The following WSCD2 variants were observed in gnomAD, a reference collection of about 807,000 sequenced individuals.
WSCD2 encodes the protein WSC domain sialate O sulfotransferase 2.
In WSCD2, 28 loss-of-function variants were observed where a neutral mutation model predicts 55.7. That is an observed-to-expected ratio of 0.50 (90% confidence interval 0.37 to 0.69). WSCD2 has a LOEUF of 0.69. Among genes scored for constraint, WSCD2 ranks in the 30% least tolerant of loss-of-function variants. WSCD2 has a pLI of 0.00. For missense variants in WSCD2, 616 were observed against 762.1 expected (o/e 0.81, Z 2.26); for synonymous variants, 301 against 301.9 (o/e 1.00, Z 0.03).
rs4964234 is a variant in WSCD2, at chr12:108,176,508, A to C, written c.-551-18774A>C. The stretch of plus-strand genomic sequence containing the variant: ...TGTCATCAGTAGCTGATTCCTTTTC[A>C]TGGCTGAGTAGTACTCCGTTGTATG... On this transcript the variant is annotated intron_variant, in intron 1 of 8. Coordinates refer to ENST00000547525, the MANE Select transcript of WSCD2 (RefSeq NM_014653.4). Among the ~76,000 whole-genome samples the C allele has an allele frequency of 2.3e-3, 343 of 152,264 alleles. 3 individuals carry two copies. The highest frequency in any genetic ancestry group is 7.8e-3 in the African/African-American group (325 of 41,542).
At chr12:108,194,952 G>A (rs1396120046) in intron 1 of WSCD2, among the ~76,000 whole-genome samples, 1 of 152,172 alleles carries the variant, frequency 6.6e-6, no homozygotes, top group African/African-American at 2.4e-5. Flanking sequence ...CCTTGGATCA[G>A]TATATATTTG....
intron 4 of WSCD2, among the ~76,000 whole-genome samples, chr12:108,216,848 G>C (rs1388363998): frequency 6.6e-6 from 1 of 152,168 alleles, no homozygotes; most frequent in Non-Finnish European, 1.5e-5. Flanking sequence ...TTAACACCCT[G>C]GCAGGCCCAG....
intron 1 of WSCD2, among the ~76,000 whole-genome samples, chr12:108,153,651 G>T (rs765508215): frequency 6.6e-6 from 1 of 152,194 alleles, no homozygotes; most frequent in African/African-American, 2.4e-5. Flanking sequence ...CTATGGAGAG[G>T]GTCACCTGCA....
chr12:108,238,756 A>G (rs1401101691), intron 7 of WSCD2, among the ~76,000 whole-genome samples: 4 of 152,158 alleles, frequency 2.6e-5, no homozygotes, highest in Admixed American at 6.5e-5. Flanking sequence ...TACTACAATA[A>G]CATTTCTACC....
intron 2 of WSCD2, 30 bp from the exon 3 acceptor site, chr12:108,206,259 G>A (rs765609727): frequency 1.3e-6 from 2 of 1,597,548 alleles, no homozygotes; most frequent in South Asian, 1.1e-5. Flanking sequence ...TTTGTCCCCA[G>A]CCACCTTTGA....
At chr12:108,185,556 G>A (rs958515526) in intron 1 of WSCD2, among the ~76,000 whole-genome samples, 11 of 152,134 alleles carry the variant, frequency 7.2e-5, no homozygotes, top group African/African-American at 2.4e-4. Context: ...TTATTTCAGT[G>A]ACCCCACAGT....
intron 1 of WSCD2, among the ~76,000 whole-genome samples, chr12:108,134,805 G>T (rs1876002567): frequency 1.3e-5 from 2 of 152,012 alleles, no homozygotes; most frequent in Admixed American, 1.3e-4. Flanking sequence ...TGTTTACCAG[G>T]TGCACACACT....
chr12:108,219,598 C>T (rs1054243964), intron 4 of WSCD2, among the ~76,000 whole-genome samples: 1 of 152,212 alleles, frequency 6.6e-6, no homozygotes, highest in Non-Finnish European at 1.5e-5. Context: ...CAAACACACA[C>T]ACATGCACAA....
chr12:108,220,239 T>C lies in WSCD2; in HGVS notation c.683-4500T>C, dbSNP rs546630641. Among the ~76,000 whole-genome samples, 5 of 152,342 alleles carry C rather than the reference T, an allele frequency of 3.3e-5. No homozygotes were observed. In the South Asian group the frequency reaches 1.0e-3, roughly 32 times the overall value. On this transcript the variant is annotated intron_variant, in intron 4 of 8. Transcript: ENST00000547525. ...CTTCTTTATAATGGAGAGAATGAGA[T>C]CTTCCTGCTAAGGGTTAGGAGGGTT...
chr12:108,202,141 T>A (rs965645418), intron 2 of WSCD2, among the ~76,000 whole-genome samples: 1 of 148,126 alleles, frequency 6.8e-6, no homozygotes, highest in African/African-American at 2.7e-5. Context: ...GTAACCACGC[T>A]AATGAGCTCA....
intron 2 of WSCD2, among the ~76,000 whole-genome samples, chr12:108,198,224 A>G (rs776196091): frequency 6.6e-6 from 1 of 151,954 alleles, no homozygotes; most frequent in Non-Finnish European, 1.5e-5. Context: ...TCTGTGTTCT[A>G]TCAGCACCCG....
chr12:108,227,059 C>T lies in WSCD2; in HGVS notation c.874C>T (p.His292Tyr), dbSNP rs1160334597. ...CGFPTTRFPL[H>Y]DREDEQLCAQ... ...GTTTCCCACCACCCGATTCCCGCTC[C>T]ATGACAGAGAGGATGAGCAGCTCTG... Residue 292 changes from histidine to tyrosine, a missense_variant, in exon 6 of 9, where the codon CAT becomes TAT. Around this residue, in one of 3 missense-constraint regions of WSCD2, gnomAD observed 374 missense variants for 467.4 expected, o/e 0.80. Coordinates refer to ENST00000547525, the MANE Select transcript of WSCD2 (RefSeq NM_014653.4). 6.2e-7 allele frequency: 1 copy of T among 1,614,244 alleles called. No homozygotes were observed. The highest frequency in any genetic ancestry group is 8.5e-7 in the Non-Finnish European group (1 of 1,180,040).
Position 108,177,546 on chromosome 12 carries a change from G to A in WSCD2, c.-551-17736G>A, listed in dbSNP as rs936650235. Among the ~76,000 whole-genome samples the A allele has an allele frequency of 4.6e-5, 7 of 152,302 alleles. No homozygotes were observed. In the South Asian group the frequency reaches 1.5e-3, roughly 32 times the overall value. ...TAAAATGAAGATAATTATAGTGCCTGTCTCAAGGGGTTTTTATATGGCACA... is the reference window on the plus strand; with the variant it reads ...TAAAATGAAGATAATTATAGTGCCTATCTCAAGGGGTTTTTATATGGCACA... On this transcript the variant is annotated intron_variant, in intron 1 of 8. Coordinates refer to ENST00000547525, the MANE Select transcript of WSCD2 (RefSeq NM_014653.4).
At chr12:108,163,539 G>A (rs553114261) in intron 1 of WSCD2, among the ~76,000 whole-genome samples, 5 of 152,310 alleles carry the variant, frequency 3.3e-5, no homozygotes, top group Middle Eastern at 6.8e-3. Flanking sequence ...CTTGGCAGAC[G>A]TAAATGAGTT....
chr12:108,210,587 T>C lies in WSCD2; in HGVS notation c.682+282T>C, dbSNP rs1237139024. On this transcript the variant is annotated intron_variant, in intron 4 of 8. Coordinates refer to ENST00000547525, the MANE Select transcript of WSCD2 (RefSeq NM_014653.4). This position sits in a 1 kb window ranked among gnomAD's most constrained non-coding sequence, Gnocchi z 4.3. ...CAGTCTTCCTCCTTCTGAAACTGAG[T>C]TGGAGCCTGAGCCTCGCCTTCCCAT... is the stretch of plus-strand genomic sequence containing the variant. Among the ~76,000 whole-genome samples the C allele has an allele frequency of 6.6e-6, 1 of 152,170 alleles. No individual in the cohort carries two copies. The highest frequency in any genetic ancestry group is 1.5e-5 in the Non-Finnish European group (1 of 68,026).
chr12:108,204,747 C>A (rs1428992073), intron 2 of WSCD2, among the ~76,000 whole-genome samples: 2 of 152,198 alleles, frequency 1.3e-5, no homozygotes, highest in Non-Finnish European at 2.9e-5. Flanking sequence ...GTGATCAGGT[C>A]AAGACACATC....
At chr12:108,154,495 A>G (rs1346852320) in intron 1 of WSCD2, among the ~76,000 whole-genome samples, 4 of 152,206 alleles carry the variant, frequency 2.6e-5, no homozygotes, top group Non-Finnish European at 5.9e-5. Flanking sequence ...GAGATAATCC[A>G]GGATAATCTC....
At chr12:108,169,133 C>T (rs2136962737) in intron 1 of WSCD2, among the ~76,000 whole-genome samples, 1 of 152,258 alleles carries the variant, frequency 6.6e-6, no homozygotes, top group Non-Finnish European at 1.5e-5. Flanking sequence ...TGCCTTCCAT[C>T]ACCTCCAGAT....
rs1280877706 is a variant in WSCD2 at position 108,210,473 on chromosome 12, T to A, written c.682+168T>A. Among the ~76,000 whole-genome samples, 3 of 152,202 alleles carry A rather than the reference T, an allele frequency of 2.0e-5. No homozygotes were observed. The highest frequency in any genetic ancestry group is 2.0e-4 in the Admixed American group (3 of 15,278). ...TCTCCCACTCCCTCACAGAGCCCTT[T>A]GCCCCAGCTCCTTTGAATGGTCCTG... On this transcript the variant is annotated intron_variant, in intron 4 of 8. Transcript: ENST00000547525. This position sits in a 1 kb window ranked among gnomAD's most constrained non-coding sequence, Gnocchi z 4.3.
Sources: allele counts gnomAD v4.1 joint callset (sites outside exome capture counted in the v4.1 genomes callset), GRCh38; gene constraint gnomAD v4.1.1; regional missense constraint gnomAD v4.1.1; non-coding constraint Gnocchi (gnomAD v3.1); transcripts MANE v1.5; gene names NCBI Gene and HGNC (gene_info 2026-07-23, HGNC 2026-07-21).